PDGFD: variants seen among roughly 807,000 people sequenced by gnomAD.
PDGFD encodes the protein platelet derived growth factor D, also known as platelet-derived growth factor D.
Under a neutral mutation model 44.7 loss-of-function variants are expected in PDGFD, and 30 were observed. That is an observed-to-expected ratio of 0.67 (90% confidence interval 0.50 to 0.91). The LOEUF is 0.91. Ranked by LOEUF, PDGFD falls within the 40% of genes least tolerant of loss-of-function variation. The pLI is 0.00. For synonymous variants in PDGFD, 173 were observed against 168.4 expected (o/e 1.03, Z -0.21); for missense variants, 445 against 457.8 (o/e 0.97, Z 0.25).
In PDGFD at chr11:104,139,887, A is replaced by C. The variant is rs1313222152; in HGVS notation, c.124+23917T>G. On this transcript the variant is annotated intron_variant, in intron 1 of 6. Coordinates refer to ENST00000393158, the MANE Select transcript of PDGFD (RefSeq NM_025208.5). ...CCCGTCTCTACTAAAAAAAAAAAAAAAAAAAAAAAAAAAATACAAAAAATT... is the reference window on the plus strand; with the variant it reads ...CCCGTCTCTACTAAAAAAAAAAAAACAAAAAAAAAAAAAATACAAAAAATT... Among the ~76,000 whole-genome samples the C allele has an allele frequency of 2.5e-4, 18 of 70,930 alleles. 5 individuals carry two copies. Among genetic ancestry groups the C allele is most frequent in the Admixed American group, 2.7e-4 (2 of 7,420 alleles). The allele number at this position is 70,930 out of a possible 152,430, so 46.5% of individuals were successfully genotyped here.
intron 3 of PDGFD, among the ~76,000 whole-genome samples, chr11:103,953,029 C>T (rs1384990573): frequency 6.6e-6 from 1 of 152,010 alleles, no homozygotes; most frequent in African/African-American, 2.4e-5. Context: ...TCTTAAAGTG[C>T]TACATGAAAA....
chr11:104,080,850 T>C (rs1861035706), intron 1 of PDGFD, among the ~76,000 whole-genome samples: 1 of 152,200 alleles, frequency 6.6e-6, no homozygotes, highest in Non-Finnish European at 1.5e-5. Flanking sequence ...CCAGCTGCCA[T>C]GTCATGAGGA....
intron 3 of PDGFD, among the ~76,000 whole-genome samples, chr11:103,983,094 A>G (rs1565302216): frequency 1.3e-5 from 2 of 151,902 alleles, no homozygotes; most frequent in Non-Finnish European, 2.9e-5. Flanking sequence ...GAATCAAAAA[A>G]GACCCCAAAC....
chr11:103,986,227 G>A (rs532317437), intron 3 of PDGFD, among the ~76,000 whole-genome samples: 3 of 152,190 alleles, frequency 2.0e-5, no homozygotes, highest in South Asian at 2.1e-4. Flanking sequence ...GAGAGGAGAC[G>A]GGTCTCTGAA....
intron 3 of PDGFD, among the ~76,000 whole-genome samples, chr11:103,992,795 T>C (rs547736551): frequency 6.6e-6 from 1 of 152,206 alleles, no homozygotes; most frequent in South Asian, 2.1e-4. Flanking sequence ...ATTGCACTTT[T>C]CCAAAAACAT....
At chr11:104,078,366 T>A (rs1056399387) in intron 1 of PDGFD, among the ~76,000 whole-genome samples, 10 of 152,162 alleles carry the variant, frequency 6.6e-5, no homozygotes, top group African/African-American at 2.4e-4. Context: ...ATCAACACTA[T>A]GTCTAAGGAA....
chr11:104,085,485 A>G (rs1380364708), intron 1 of PDGFD, among the ~76,000 whole-genome samples: 1 of 152,084 alleles, frequency 6.6e-6, no homozygotes, highest in African/African-American at 2.4e-5. Flanking sequence ...TGTTCCCTTT[A>G]CACTCCTAAA....
At chr11:104,088,496 T>C (rs1305994939) in intron 1 of PDGFD, among the ~76,000 whole-genome samples, 2 of 152,136 alleles carry the variant, frequency 1.3e-5, no homozygotes, top group Non-Finnish European at 2.9e-5. Flanking sequence ...GATGGAAACA[T>C]AAACACACAA....
intron 1 of PDGFD, among the ~76,000 whole-genome samples, chr11:104,159,561 A>C (rs1862360010): frequency 6.6e-6 from 1 of 152,076 alleles, no homozygotes; most frequent in African/African-American, 2.4e-5. Flanking sequence ...ATCCTTCTAG[A>C]CTCTTAGAGT....
At chr11:104,126,830 T>C (rs796362044) in intron 1 of PDGFD, among the ~76,000 whole-genome samples, 6 of 150,626 alleles carry the variant, frequency 4.0e-5, no homozygotes, top group African/African-American at 1.5e-4. Flanking sequence ...AATACAGGAA[T>C]AGATGGAAAG....
intron 1 of PDGFD, among the ~76,000 whole-genome samples, chr11:104,028,843 A>C (rs889757850): frequency 9.9e-5 from 15 of 152,030 alleles, no homozygotes; most frequent in African/African-American, 3.4e-4. Flanking sequence ...GAGAGATTTC[A>C]GTTCTATTTC....
Position 103,909,471 on chromosome 11 carries a change from C to T in PDGFD, c.*223G>A. ...GTTTGTGCATATATAACCTCAAACA[C>T]TATTATTAAATGCAATCCTATATTC... On this transcript the variant is annotated 3_prime_UTR_variant, in exon 7 of 7. Coordinates refer to ENST00000393158, the MANE Select transcript of PDGFD (RefSeq NM_025208.5). 1.9e-6 allele frequency: 1 copy of T among 516,710 alleles called. No homozygotes were observed. The highest frequency in any genetic ancestry group is 3.3e-5 in the East Asian group (1 of 30,728). The allele number at this position is 516,710 out of a possible 1,614,324, so 32.0% of individuals were successfully genotyped here.
At chr11:104,113,964 T>C (rs560747701) in intron 1 of PDGFD, among the ~76,000 whole-genome samples, 37 of 152,214 alleles carry the variant, frequency 2.4e-4, no homozygotes, top group Non-Finnish European at 4.9e-4. Flanking sequence ...TATTTTTGAG[T>C]GTTAAGAGTT....
At position 104,136,952 on chromosome 11, in the gene PDGFD, T is replaced by A. The variant is rs146324187; in HGVS notation, c.124+26852A>T. Among the ~76,000 whole-genome samples, 10 of 152,320 alleles carry A rather than the reference T, an allele frequency of 6.6e-5. No individual in the cohort carries two copies. In the East Asian group the frequency reaches 1.9e-3, roughly 29 times the overall value. ...TAGAGCTAGAAGGGTCTTTAGAATG[T>A]AACTAGTCCAATGTCCTCATTTTGT... On this transcript the variant is annotated intron_variant, in intron 1 of 6. Coordinates refer to ENST00000393158, the MANE Select transcript of PDGFD (RefSeq NM_025208.5).
At chr11:103,999,727 C>T (rs1029642181) in intron 2 of PDGFD, among the ~76,000 whole-genome samples, 2 of 152,158 alleles carry the variant, frequency 1.3e-5, no homozygotes, top group African/African-American at 4.8e-5. Flanking sequence ...CTGCCCGTAA[C>T]CTGGGATGCT....
intron 1 of PDGFD, among the ~76,000 whole-genome samples, chr11:104,006,040 C>G (rs1398518019): frequency 6.6e-6 from 1 of 152,044 alleles, no homozygotes; most frequent in Non-Finnish European, 1.5e-5. Context: ...ATTTTATTCC[C>G]AATTGTTCAG....
At chr11:104,063,975 G>A (rs970782088) in intron 1 of PDGFD, among the ~76,000 whole-genome samples, 7 of 152,152 alleles carry the variant, frequency 4.6e-5, no homozygotes, top group African/African-American at 9.7e-5. Context: ...GAAGTAACTC[G>A]TTCAGGTTTT....
chr11:103,994,009 T>C (rs915228030), intron 3 of PDGFD, among the ~76,000 whole-genome samples: 2 of 152,186 alleles, frequency 1.3e-5, no homozygotes, highest in South Asian at 2.1e-4. Flanking sequence ...ATCCAAACTA[T>C]AGAGGCAGCC....
intron 3 of PDGFD, among the ~76,000 whole-genome samples, chr11:103,990,819 G>T (rs1451728763): frequency 1.3e-5 from 2 of 152,030 alleles, no homozygotes; most frequent in African/African-American, 4.8e-5. Flanking sequence ...AAGGTCAATG[G>T]TCCTTTACTC....
Sources: gnomAD v4.1 joint callset for allele counts (sites outside exome capture counted in the v4.1 genomes callset) on GRCh38, gnomAD v4.1.1 for gene constraint, MANE v1.5 for transcripts, NCBI Gene and HGNC (gene_info 2026-07-23, HGNC 2026-07-21) for gene names.